NUP160: variants seen among roughly 807,000 people sequenced by gnomAD.
NUP160 encodes the protein nuclear pore complex protein Nup160.
NUP160 carries 94 observed loss-of-function variants against 196.9 expected under a neutral mutation model. The observed-to-expected ratio is 0.48, with a 90% CI of 0.40 to 0.57. The LOEUF (loss-of-function observed/expected upper bound fraction) is 0.57. NUP160 is among the 20% of genes least tolerant of loss of function. The pLI is 0.00. For missense variants in NUP160, 1,638 were observed against 1,748.3 expected, an observed-to-expected ratio of 0.94 and a Z score of 1.13; for synonymous variants, 605 against 619.7, an observed-to-expected ratio of 0.98 and a Z score of 0.35.
At chr11:47,828,355 T>C (rs1363202680) in intron 7 of NUP160, among the ~76,000 whole-genome samples, 1 of 152,176 alleles carries the variant, frequency 6.6e-6, no homozygotes, top group African/African-American at 2.4e-5. Context: ...TAATTTCGTT[T>C]ATAATAGCAT....
chr11:47,795,489 C>A (rs2097670365), intron 27 of NUP160, among the ~76,000 whole-genome samples: 1 of 152,070 alleles, frequency 6.6e-6, no homozygotes, highest in Non-Finnish European at 1.5e-5. Flanking sequence ...AAGAACCTGC[C>A]TATGAATAAA....
At chr11:47,848,138 CAG>C (rs1309763969) in intron 1 of NUP160, 79 bp downstream of exon 1, 15 of 1,505,296 alleles carry the variant, frequency 1.0e-5, no homozygotes, top group Admixed American at 5.0e-5. Context: ...GAGGATGAAA[CAG>C]GGCGTCAGGG....
In NUP160 at chr11:47,787,089, C is replaced by CTTT. The variant is rs56249837; in HGVS notation, c.3747-538_3747-536dup. ...AGGTATGAGCCACCGCACCTGGCCT[C>CTTT]TTTTTTTTTTTAAATTAAGATGGAG... On this transcript the variant is annotated intron_variant, in intron 31 of 35. Transcript: ENST00000378460. 46 of 140,880 alleles carry CTTT rather than the reference C, an allele frequency of 3.3e-4. 2 individuals carry two copies. Among genetic ancestry groups the CTTT allele is most frequent in the African/African-American group, 6.5e-4 (25 of 38,248 alleles). 8.7% of individuals were successfully genotyped at this position (140,880 alleles called of 1,614,324 possible). A position where few individuals can be genotyped will look rare whatever the true frequency, so the allele number is the denominator to read the frequency against.
chr11:47,841,500 G>A, intron 2 of NUP160: 1 of 401,476 alleles, frequency 2.5e-6, no homozygotes, highest in South Asian at 2.6e-5. Context: ...CTCTAGATTG[G>A]GTCATGCTCA....
chr11:47,778,347 T>C (rs2097658741), exon 36 of NUP160: 1 of 152,638 alleles, frequency 6.6e-6, no homozygotes, highest in African/African-American at 2.4e-5. Flanking sequence ...GAAGTTTACA[T>C]TTTGGTCCAA....
intron 9 of NUP160, among the ~76,000 whole-genome samples, chr11:47,820,489 C>T (rs560596778): frequency 6.6e-6 from 1 of 152,280 alleles, no homozygotes; most frequent in Admixed American, 6.5e-5. Context: ...AAGCAATCCT[C>T]CTGCCTCAGT....
intron 7 of NUP160, among the ~76,000 whole-genome samples, chr11:47,830,401 C>T (rs972647311): frequency 3.3e-5 from 5 of 152,136 alleles, no homozygotes; most frequent in African/African-American, 1.2e-4. Context: ...ACCATAAAGA[C>T]AAATGCACAT....
intron 4 of NUP160, among the ~76,000 whole-genome samples, chr11:47,839,026 A>T (rs1407659817): frequency 1.3e-5 from 2 of 151,964 alleles, no homozygotes; most frequent in South Asian, 2.1e-4. Flanking sequence ...AGAATAAAAG[A>T]AAAGTTGTGT....
chr11:47,799,142 A>G (rs988454164), intron 23 of NUP160, among the ~76,000 whole-genome samples: 1 of 151,994 alleles, frequency 6.6e-6, no homozygotes, highest in Non-Finnish European at 1.5e-5. Context: ...CTGGAGCACA[A>G]TGGTGTGATC....
chr11:47,818,238 T>C, intron 10 of NUP160, 114 bp from the exon 11 acceptor site: 3 of 681,186 alleles, frequency 4.4e-6, no homozygotes, highest in South Asian at 1.8e-5. Context: ...TGCCCTTCTA[T>C]ATGTGGGCAA....
intron 7 of NUP160, among the ~76,000 whole-genome samples, chr11:47,832,180 G>GTT (rs776581481): frequency 5.9e-5 from 9 of 151,850 alleles, no homozygotes; most frequent in Non-Finnish European, 1.2e-4. Context: ...GATTACAGGC[G>GTT]TGAGCCACTG....
intron 27 of NUP160, among the ~76,000 whole-genome samples, chr11:47,793,370 G>A (rs1599309967): frequency 6.6e-6 from 1 of 152,112 alleles, no homozygotes; most frequent in African/African-American, 2.4e-5. Flanking sequence ...TGGGTTTGAT[G>A]TAACCCCTGC....
intron 34 of NUP160, among the ~76,000 whole-genome samples, chr11:47,782,303 AATATAT>A (rs10529981): frequency 1.4e-3 from 57 of 40,450 alleles, no homozygotes; most frequent in Non-Finnish European, 1.9e-3. Flanking sequence ...AAAAAAAAAA[AATATAT>A]ATATATATAT....
At chr11:47,818,979 A>G (rs1026980388) in intron 10 of NUP160, among the ~76,000 whole-genome samples, 1 of 152,100 alleles carries the variant, frequency 6.6e-6, no homozygotes, top group Non-Finnish European at 1.5e-5. Flanking sequence ...TAAGGCATCA[A>G]CTGAAAGCTT....
chr11:47,810,207 C>CT (rs946884934), intron 17 of NUP160, among the ~76,000 whole-genome samples: 16 of 149,176 alleles, frequency 1.1e-4, no homozygotes, highest in East Asian at 1.9e-4. Context: ...TTTTTTTTTT[C>CT]TTTTTTTTGA....
intron 13 of NUP160, among the ~76,000 whole-genome samples, chr11:47,814,553 G>A (rs2097683219): frequency 6.7e-6 from 1 of 149,316 alleles, no homozygotes; most frequent in Non-Finnish European, 1.5e-5. Context: ...AAAAAAAAAA[G>A]ATTGGATCCT....
At chr11:47,804,740 G>T in intron 20 of NUP160, 122 bp from the exon 21 acceptor site, 3 of 611,640 alleles carry the variant, frequency 4.9e-6, no homozygotes, top group East Asian at 3.2e-5. Flanking sequence ...CAGAGAAGTT[G>T]GCCAACCACA....
chr11:47,815,743 C>T, intron 12 of NUP160, 94 bp from the exon 13 acceptor site: 1 of 1,126,632 alleles, frequency 8.9e-7, no homozygotes, highest in Non-Finnish European at 1.3e-6. Context: ...TTATACTAAG[C>T]TACAGCCAAA....
At chr11:47,834,109 T>C (rs1381035183) in intron 7 of NUP160, among the ~76,000 whole-genome samples, 1 of 152,174 alleles carries the variant, frequency 6.6e-6, no homozygotes, top group African/African-American at 2.4e-5. Flanking sequence ...TAATATAAAA[T>C]GTGTCAATCC....
Sources: gnomAD v4.1 joint callset for allele counts (sites outside exome capture counted in the v4.1 genomes callset) on GRCh38, gnomAD v4.1.1 for gene constraint, MANE v1.5 for transcripts, NCBI Gene and HGNC (gene_info 2026-07-23, HGNC 2026-07-21) for gene names.